Variants in PRH1 observed in about 807,000 individuals in gnomAD.
PRH1 encodes proline rich protein HaeIII subfamily 1.
PRH1 carries 7 observed loss-of-function variants against 7.9 expected under a neutral mutation model. The observed-to-expected ratio is 0.89, with a 90% CI of 0.50 to 1.67. The LOEUF is 1.67. PRH1 is among the 40% of genes most tolerant of loss of function. The pLI, the probability that PRH1 is intolerant of heterozygous loss-of-function variation, is 0.00. For synonymous variants in PRH1, 45 were observed against 80.8 expected, an observed-to-expected ratio of 0.56 and a Z score of 2.38; for missense variants, 109 against 223.6, an observed-to-expected ratio of 0.49 and a Z score of 3.27.
chr12:11,131,369 T>TTCC (rs1946335211), intron 1 of PRH1, among the ~76,000 whole-genome samples: 7 of 149,684 alleles, frequency 4.7e-5, no homozygotes, highest in African/African-American at 1.7e-4. Context: ...ACATCGGTTC[T>TTCC]TGTCTCAATT....
intron 1 of PRH1, among the ~76,000 whole-genome samples, chr12:11,146,609 C>T (rs1240035358): frequency 1.3e-5 from 2 of 152,082 alleles, no homozygotes; most frequent in Non-Finnish European, 2.9e-5. Context: ...CAAACTTTTC[C>T]TTTATGTTTC....
intron 1 of PRH1, among the ~76,000 whole-genome samples, chr12:11,016,522 G>A (rs1941303657): frequency 1.3e-5 from 2 of 152,088 alleles, no homozygotes; most frequent in African/African-American, 4.8e-5. Context: ...TTTAGTTTTT[G>A]TACAGACAGG....
chr12:10,991,660 G>A (rs1157522327), intron 1 of PRH1, among the ~76,000 whole-genome samples: 1 of 150,120 alleles, frequency 6.7e-6, no homozygotes, highest in Non-Finnish European at 1.5e-5. Flanking sequence ...TACATTATCT[G>A]TAAGGAGACT....
chr12:11,133,131 A>ACAC, intron 1 of PRH1: 1 of 903,668 alleles, frequency 1.1e-6, no homozygotes, highest in Non-Finnish European at 1.6e-6. Flanking sequence ...ACACACACAC[A>ACAC]CACACACACA....
rs776650571 is a variant in PRH1, at chr12:10,908,549, T to G, written c.-58-24274A>C. 11 of 1,613,864 alleles carry G rather than the reference T, an allele frequency of 6.8e-6. No individual in the cohort carries two copies. The South Asian group carries it at 1.2e-4, about 18-fold the overall frequency. On this transcript the variant is annotated intron_variant, in intron 2 of 3. Coordinates refer to the PRH1 transcript ENST00000539853. ...TCTGATACAGCTCAGAAATCCATGA[T>G]ATGAGAACACATAGAAAGAAACTAG...
At chr12:10,884,302 T>C (rs562298803), upstream of PRH1, 71 of 1,581,874 alleles carry the variant, frequency 4.5e-5, no homozygotes, top group African/African-American at 4.7e-4. Context: ...AGGACAATGG[T>C]GCATTTGAGC....
intron 1 of PRH1, chr12:11,022,154 G>A (rs1868769): frequency 0.78 from 1,263,069 of 1,612,746 alleles, 499,872 homozygotes; most frequent in East Asian, 0.9. Context: ...TTACAAATCA[G>A]AAATACCAAG....
At chr12:11,087,724 T>C (rs371321509) in intron 1 of PRH1, among the ~76,000 whole-genome samples, 70 of 102,964 alleles carry the variant, frequency 6.8e-4, no homozygotes, top group East Asian at 3.2e-3. Context: ...TTCTATAACC[T>C]GATTCACTTA....
chr12:11,047,017 C>A, intron 1 of PRH1: 1 of 506,616 alleles, frequency 2.0e-6, no homozygotes, highest in East Asian at 5.6e-5. Context: ...TGCTTTGACT[C>A]ACCTCATATG....
rs1944348243 is a variant in PRH1, at chr12:11,077,855, G to C, written n.124-30667C>G. 9.0e-6 allele frequency: 9 copies of C among 1,004,630 alleles called. 1 individual carries two copies. The highest frequency in any genetic ancestry group is 1.4e-5 in the Non-Finnish European group (9 of 639,138). 62.2% of individuals were successfully genotyped at this position (1,004,630 alleles called of 1,614,324 possible). A position where few individuals can be genotyped will look rare whatever the true frequency, so the allele number is the denominator to read the frequency against. On this transcript the variant is annotated intron_variant and non_coding_transcript_variant, in intron 1 of 4. Transcript: ENST00000541977. ...ACCAAGGGACCCAACAGTATCACCA[G>C]AACAACACTCCTAATTCTCTTCTTT...
At chr12:11,113,966 C>T (rs1041897290) in intron 1 of PRH1, among the ~76,000 whole-genome samples, 4 of 152,086 alleles carry the variant, frequency 2.6e-5, no homozygotes, top group African/African-American at 9.7e-5. Flanking sequence ...GAGATACCAT[C>T]TCATGACAGA....
intron 2 of PRH1, chr12:10,937,271 T>C (rs1032286816): frequency 6.6e-6 from 1 of 151,878 alleles, no homozygotes; most frequent in Admixed American, 6.6e-5. Context: ...AATATGTATA[T>C]TGTATTTTAT....
intron 1 of PRH1, among the ~76,000 whole-genome samples, chr12:11,016,819 G>C (rs184188450): frequency 6.6e-6 from 1 of 152,294 alleles, no homozygotes; most frequent in African/African-American, 2.4e-5. Context: ...TATTAGAGCA[G>C]AACCAAGGGG....
At chr12:11,011,179 G>C (rs1309855480) in intron 1 of PRH1, among the ~76,000 whole-genome samples, 1 of 152,042 alleles carries the variant, frequency 6.6e-6, no homozygotes, top group African/African-American at 2.4e-5. Flanking sequence ...TACCATGTCT[G>C]AATTTTTTTA....
intron 1 of PRH1, among the ~76,000 whole-genome samples, chr12:10,984,742 G>A (rs1939520595): frequency 6.6e-6 from 1 of 151,910 alleles, no homozygotes; most frequent in East Asian, 1.9e-4. Flanking sequence ...GAATTTAATT[G>A]TTTAATGATG....
chr12:10,885,092 AT>A (rs903201593), upstream of PRH1, among the ~76,000 whole-genome samples: 23 of 152,294 alleles, frequency 1.5e-4, no homozygotes, highest in Admixed American at 6.5e-4. Context: ...ATTCCATAGA[AT>A]TCATCCTCTA....
At chr12:10,921,718 T>G (rs1950047955) in intron 2 of PRH1, among the ~76,000 whole-genome samples, 1 of 152,228 alleles carries the variant, frequency 6.6e-6, no homozygotes, top group African/African-American at 2.4e-5. Flanking sequence ...TTCCTTTTGC[T>G]GAGTCTATGA....
intron 1 of PRH1, among the ~76,000 whole-genome samples, chr12:11,037,733 T>G (rs555263848): frequency 5.6e-4 from 85 of 152,346 alleles, no homozygotes; most frequent in Admixed American, 1.0e-3. Context: ...TCTCCTTTTT[T>G]AAAATTAATT....
chr12:11,130,932 G>A (rs1178796941), intron 1 of PRH1, among the ~76,000 whole-genome samples: 2 of 151,700 alleles, frequency 1.3e-5, no homozygotes, highest in Non-Finnish European at 2.9e-5. Context: ...GGTGGTATTG[G>A]ACACAAACAT....
Sources: gnomAD v4.1 joint callset for allele counts (sites outside exome capture counted in the v4.1 genomes callset) on GRCh38, gnomAD v4.1.1 for gene constraint, MANE v1.5 for transcripts, NCBI Gene and HGNC (gene_info 2026-07-23, HGNC 2026-07-21) for gene names.